Variants in ATP8A2 observed in about 807,000 individuals in gnomAD.
ATP8A2 encodes phospholipid-transporting ATPase IB.
ATP8A2 carries 100 observed loss-of-function variants against 165.6 expected under a neutral mutation model. The observed-to-expected ratio is 0.60, with a 90% CI of 0.51 to 0.71. The LOEUF (loss-of-function observed/expected upper bound fraction) is 0.71, where lower values mean the gene tolerates loss of function less well. ATP8A2 is among the 30% of genes least tolerant of loss of function. The pLI, the probability that ATP8A2 is intolerant of heterozygous loss-of-function variation, is 0.00. For synonymous variants in ATP8A2, 543 were observed against 548.8 expected (o/e 0.99, Z 0.15); for missense variants, 1,227 against 1,479.5 (o/e 0.83, Z 2.80).
intron 1 of ATP8A2, among the ~76,000 whole-genome samples, chr13:25,378,452 T>C (rs966151320): frequency 3.3e-5 from 5 of 152,166 alleles, no homozygotes; most frequent in African/African-American, 1.2e-4. Flanking sequence ...TTCAGGAATA[T>C]GGTAAAATAT....
chr13:25,510,627 C>T (rs2037196111), intron 2 of ATP8A2, among the ~76,000 whole-genome samples: 1 of 152,192 alleles, frequency 6.6e-6, no homozygotes, highest in Non-Finnish European at 1.5e-5. Context: ...ACAGTTTCCC[C>T]TTCTTTTATC....
chr13:25,876,311 G>A (rs1334987931), intron 33 of ATP8A2, among the ~76,000 whole-genome samples: 1 of 152,144 alleles, frequency 6.6e-6, no homozygotes, highest in Non-Finnish European at 1.5e-5. Context: ...GAAAAGTTTA[G>A]GATTTGGAAA....
intron 28 of ATP8A2, 110 bp from the exon 29 acceptor site, chr13:25,837,053 G>A: frequency 7.4e-7 from 1 of 1,351,714 alleles, no homozygotes; most frequent in Non-Finnish European, 1.0e-6. Flanking sequence ...GAATCATGGA[G>A]TCTCAGGTTT....
intron 21 of ATP8A2, among the ~76,000 whole-genome samples, chr13:25,579,117 C>T (rs529515356): frequency 2.0e-5 from 3 of 152,182 alleles, no homozygotes; most frequent in Admixed American, 6.5e-5. Flanking sequence ...CAACGCACAA[C>T]GTGTAGAATC....
intron 33 of ATP8A2, among the ~76,000 whole-genome samples, chr13:25,886,103 T>G (rs972764029): frequency 4.6e-5 from 7 of 152,214 alleles, no homozygotes; most frequent in Non-Finnish European, 8.8e-5. Flanking sequence ...AAGCTTTTCC[T>G]CCAAGAATAT....
intron 28 of ATP8A2, among the ~76,000 whole-genome samples, chr13:25,831,676 C>T (rs770831353): frequency 6.6e-6 from 1 of 151,860 alleles, no homozygotes; most frequent in Non-Finnish European, 1.5e-5. Flanking sequence ...AACCTCATCC[C>T]TACTAAAAGT....
chr13:25,676,277 A>G (rs9319232), intron 24 of ATP8A2, among the ~76,000 whole-genome samples: 19,388 of 152,154 alleles, frequency 0.13, 1,405 homozygotes, highest in Admixed American at 0.2. Context: ...TTGGGGAAGA[A>G]TGAGCTAGAT....
intron 1 of ATP8A2, among the ~76,000 whole-genome samples, chr13:25,377,036 C>G (rs532883140): frequency 2.0e-5 from 3 of 152,314 alleles, no homozygotes; most frequent in African/African-American, 7.2e-5. Context: ...CTTCCGTTGT[C>G]CAGTAATTGA....
chr13:25,977,429 A>G (rs575818393), intron 35 of ATP8A2, among the ~76,000 whole-genome samples: 78 of 152,282 alleles, frequency 5.1e-4, no homozygotes, highest in Middle Eastern at 6.8e-3. Flanking sequence ...ATGTGGCAGG[A>G]AATTACCGAA....
intron 2 of ATP8A2, among the ~76,000 whole-genome samples, chr13:25,512,171 A>T (rs927952750): frequency 2.0e-5 from 3 of 151,200 alleles, no homozygotes; most frequent in Non-Finnish European, 4.4e-5. Context: ...GAGTGGACAC[A>T]GCACATGTTT....
At chr13:25,889,916 A>T (rs1004826411) in intron 33 of ATP8A2, among the ~76,000 whole-genome samples, 9 of 152,058 alleles carry the variant, frequency 5.9e-5, no homozygotes, top group Non-Finnish European at 7.4e-5. Context: ...TAATCCCAGC[A>T]CTTTGGAAGG....
At chr13:25,843,144 G>A (rs1951783758) in intron 30 of ATP8A2, among the ~76,000 whole-genome samples, 1 of 152,146 alleles carries the variant, frequency 6.6e-6, no homozygotes, top group African/African-American at 2.4e-5. Flanking sequence ...AGAGGAGTAG[G>A]GGGTGGTCAC....
chr13:25,439,916 A>G (rs941299983), intron 1 of ATP8A2, among the ~76,000 whole-genome samples: 1 of 152,154 alleles, frequency 6.6e-6, no homozygotes, highest in Non-Finnish European at 1.5e-5. Context: ...ATAAAAAAAA[A>G]AAAATTAAAA....
At chr13:25,928,201 G>A (rs1380904519) in intron 33 of ATP8A2, among the ~76,000 whole-genome samples, 2 of 152,206 alleles carry the variant, frequency 1.3e-5, no homozygotes, top group Non-Finnish European at 2.9e-5. Flanking sequence ...TGGCCAGGGG[G>A]CCTGTGTTAG....
chr13:25,949,762 G>A (rs1955303742), intron 33 of ATP8A2, among the ~76,000 whole-genome samples: 1 of 152,112 alleles, frequency 6.6e-6, no homozygotes, highest in Non-Finnish European at 1.5e-5. Flanking sequence ...AGTGAACGTT[G>A]CTTTATTTAT....
At chr13:25,523,592 G>T (rs1030421998) in intron 2 of ATP8A2, among the ~76,000 whole-genome samples, 1 of 151,980 alleles carries the variant, frequency 6.6e-6, no homozygotes. Flanking sequence ...GTTCAGTCTT[G>T]GTAGGTTTTA....
chr13:25,476,219 C>G (rs1313585217), intron 2 of ATP8A2, among the ~76,000 whole-genome samples: 1 of 151,944 alleles, frequency 6.6e-6, no homozygotes, highest in Non-Finnish European at 1.5e-5. Context: ...TATGTAGGAT[C>G]TGGTCTTAAT....
chr13:25,521,379 A>T (rs1436794228), intron 2 of ATP8A2, among the ~76,000 whole-genome samples: 2 of 151,998 alleles, frequency 1.3e-5, no homozygotes, highest in Non-Finnish European at 2.9e-5. Flanking sequence ...TTTTAGCTTG[A>T]TGTAACCTTA....
chr13:25,680,977 G>T (rs1046004867), intron 24 of ATP8A2, among the ~76,000 whole-genome samples: 6 of 152,166 alleles, frequency 3.9e-5, no homozygotes, highest in Non-Finnish European at 7.4e-5. Context: ...AATTCTAATT[G>T]CAGACAACTC....
Sources: gnomAD v4.1 joint callset for allele counts (sites outside exome capture counted in the v4.1 genomes callset) on GRCh38, gnomAD v4.1.1 for gene constraint, MANE v1.5 for transcripts, NCBI Gene and HGNC (gene_info 2026-07-23, HGNC 2026-07-21) for gene names.